Variants in SYNDIG1 observed in about 807,000 individuals in gnomAD.
SYNDIG1 encodes the protein synapse differentiation-inducing gene protein 1.
Under a neutral mutation model 19.4 loss-of-function variants are expected in SYNDIG1, and 9 were observed. That is an observed-to-expected ratio of 0.46 (90% CI 0.28 to 0.81). The LOEUF is 0.81. Ranked by LOEUF, SYNDIG1 falls within the 30% of genes least tolerant of loss-of-function variation. SYNDIG1 has a pLI of 0.12. For synonymous variants in SYNDIG1, 141 were observed against 145.9 expected (o/e 0.97, Z 0.24); for missense variants, 311 against 343.3 (o/e 0.91, Z 0.74).
Position 24,583,261 on chromosome 20 carries a change from G to A in SYNDIG1, c.481-1595G>A, listed in dbSNP as rs538249452. ...TGGCAAGCAGCGGGCTCGCAGCCACGCAAGTGCTGCACTCACGGGGTGGGC... is the reference window on the plus strand; with the variant it reads ...TGGCAAGCAGCGGGCTCGCAGCCACACAAGTGCTGCACTCACGGGGTGGGC... On this transcript the variant is annotated intron_variant, in intron 2 of 3. Transcript: ENST00000376862. 1.1e-3 allele frequency among the ~76,000 whole-genome samples: 167 copies of A among 152,360 alleles called. 2 individuals carry two copies. Among genetic ancestry groups the A allele is most frequent in the Middle Eastern group, 3.4e-3 (1 of 294 alleles).
intron 1 of SYNDIG1, among the ~76,000 whole-genome samples, chr20:24,475,861 A>G (rs894849912): frequency 6.7e-6 from 1 of 150,144 alleles, no homozygotes; most frequent in African/African-American, 2.5e-5. Context: ...TGTGCATAGT[A>G]TCTTTTTTTT....
chr20:24,508,218 A>ATTTTTTTTTTTTTTT (rs34436263), intron 1 of SYNDIG1, among the ~76,000 whole-genome samples: 2 of 73,208 alleles, frequency 2.7e-5, no homozygotes, highest in African/African-American at 6.1e-5. Flanking sequence ...AAGGAGGATA[A>ATTTTTTTTTTTTTTT]TTTTTTTTTT....
chr20:24,591,757 C>A (rs142934536), intron 3 of SYNDIG1, among the ~76,000 whole-genome samples: 145 of 152,268 alleles, frequency 9.5e-4, no homozygotes, highest in Non-Finnish European at 1.8e-3. Context: ...AGTCATGTAG[C>A]TGTTCCCAGG....
intron 3 of SYNDIG1, among the ~76,000 whole-genome samples, chr20:24,607,382 T>TAAAGA (rs1450715412): frequency 1.4e-5 from 2 of 139,054 alleles, no homozygotes; most frequent in Middle Eastern, 3.5e-3. Context: ...AAAAAAAGAA[T>TAAAGA]AAAGAAAAGA....
chr20:24,570,317 T>G (rs1251649774), intron 2 of SYNDIG1, among the ~76,000 whole-genome samples: 6 of 152,102 alleles, frequency 3.9e-5, no homozygotes, highest in Non-Finnish European at 8.8e-5. Context: ...TAATCAAAAT[T>G]AAAAACTTTT....
At position 24,515,990 on chromosome 20, in the gene SYNDIG1, G is replaced by A. The variant is rs201232663; in HGVS notation, c.-78-27030G>A. Among the ~76,000 whole-genome samples, 40 of 152,184 alleles carry A rather than the reference G, an allele frequency of 2.6e-4. No individual in the cohort carries two copies. The East Asian group carries it at 6.8e-3, about 26-fold the overall frequency. On this transcript the variant is annotated intron_variant, in intron 1 of 3. Coordinates refer to ENST00000376862, the MANE Select transcript of SYNDIG1 (RefSeq NM_024893.3). Reference sequence around the variant, plus strand: ...AGCATGGTACTGGTACCAAAACAGAGATACAGACCAATGGAACAGAACAGA... The same window carrying A: ...AGCATGGTACTGGTACCAAAACAGAAATACAGACCAATGGAACAGAACAGA...
chr20:24,620,530 C>T (rs2059022168), intron 3 of SYNDIG1, among the ~76,000 whole-genome samples: 1 of 152,210 alleles, frequency 6.6e-6, no homozygotes, highest in Non-Finnish European at 1.5e-5. Flanking sequence ...CAGCTGGCTT[C>T]CTCAAGCAAA....
At chr20:24,478,992 G>A (rs1462865089) in intron 1 of SYNDIG1, among the ~76,000 whole-genome samples, 1 of 152,236 alleles carries the variant, frequency 6.6e-6, no homozygotes, top group Non-Finnish European at 1.5e-5. Flanking sequence ...CCGGAAGATG[G>A]AAATGTTCTT....
intron 1 of SYNDIG1, among the ~76,000 whole-genome samples, chr20:24,540,856 G>A (rs559167858): frequency 6.6e-6 from 1 of 152,262 alleles, no homozygotes; most frequent in African/African-American, 2.4e-5. Flanking sequence ...GGTCTGTAAT[G>A]TTCCTATGGT....
intron 3 of SYNDIG1, among the ~76,000 whole-genome samples, chr20:24,626,152 G>T (rs2059127227): frequency 6.6e-6 from 1 of 150,952 alleles, no homozygotes; most frequent in South Asian, 2.1e-4. Flanking sequence ...GGACGGGGCG[G>T]CTGGCCGGGC....
At chr20:24,554,895 G>C (rs1315198993) in intron 2 of SYNDIG1, among the ~76,000 whole-genome samples, 1 of 151,574 alleles carries the variant, frequency 6.6e-6, no homozygotes, top group Non-Finnish European at 1.5e-5. Context: ...GTTCCTCCTT[G>C]TACCTCTGGT....
At chr20:24,477,076 G>C (rs745508661) in intron 1 of SYNDIG1, among the ~76,000 whole-genome samples, 1 of 152,248 alleles carries the variant, frequency 6.6e-6, no homozygotes, top group African/African-American at 2.4e-5. Context: ...GCAGAATTCT[G>C]TAGCTTCCTT....
intron 3 of SYNDIG1, among the ~76,000 whole-genome samples, chr20:24,607,586 A>AG (rs11438965): frequency 0.61 from 92,902 of 151,728 alleles, 28,641 homozygotes; most frequent in Admixed American, 0.67. Context: ...AGAGCGAGAC[A>AG]TCTCCATGGG....
At chr20:24,496,614 C>A (rs1194411165) in intron 1 of SYNDIG1, among the ~76,000 whole-genome samples, 1 of 152,126 alleles carries the variant, frequency 6.6e-6, no homozygotes, top group Non-Finnish European at 1.5e-5. Context: ...TCTGTTTTCT[C>A]ATCTTTAAAA....
chr20:24,550,512 CT>C (rs10597680), intron 2 of SYNDIG1, among the ~76,000 whole-genome samples: 1,695 of 139,926 alleles, frequency 0.012, 22 homozygotes, highest in African/African-American at 0.028. Context: ...ACGTTAACTG[CT>C]TTTTTTTTTT....
chr20:24,509,214 A>ATG (rs1568596546), intron 1 of SYNDIG1, among the ~76,000 whole-genome samples: 1 of 152,098 alleles, frequency 6.6e-6, no homozygotes, highest in Non-Finnish European at 1.5e-5. Flanking sequence ...ATGTATGTAT[A>ATG]TGTGTGTGTG....
At chr20:24,473,400 A>G (rs1271546761) in intron 1 of SYNDIG1, among the ~76,000 whole-genome samples, 1 of 152,212 alleles carries the variant, frequency 6.6e-6, no homozygotes, top group African/African-American at 2.4e-5. Flanking sequence ...ACGTCACCAG[A>G]ATTAGAATAA....
intron 1 of SYNDIG1, among the ~76,000 whole-genome samples, chr20:24,518,537 C>T (rs1157525620): frequency 6.6e-6 from 1 of 152,124 alleles, no homozygotes; most frequent in Non-Finnish European, 1.5e-5. Context: ...CACTTTTTGT[C>T]TGGGGGTTCA....
chr20:24,542,990 T>C, intron 1 of SYNDIG1, 30 bp from the exon 2 acceptor site: 5 of 1,501,984 alleles, frequency 3.3e-6, no homozygotes, highest in Non-Finnish European at 4.5e-6. Flanking sequence ...TGTGATTCTC[T>C]TGTCTCATCT....
Sources: gnomAD v4.1 joint callset for allele counts (sites outside exome capture counted in the v4.1 genomes callset) on GRCh38, gnomAD v4.1.1 for gene constraint, MANE v1.5 for transcripts, NCBI Gene and HGNC (gene_info 2026-07-23, HGNC 2026-07-21) for gene names.